Variants in LINGO2 observed in about 807,000 individuals in gnomAD.
LINGO2 encodes the protein leucine-rich repeat and immunoglobulin-like domain-containing nogo receptor-interacting protein 2.
LINGO2 carries 14 observed loss-of-function variants against 30.6 expected under a neutral mutation model. The ratio of observed to expected loss-of-function variants is 0.46; its 90% CI spans 0.30 to 0.72. LINGO2 has a LOEUF of 0.72. LINGO2 is among the 30% of genes least tolerant of loss of function. The pLI is 0.07. For missense variants in LINGO2, 729 were observed against 751.7 expected (o/e 0.97, Z 0.35); for synonymous variants, 317 against 288.5 (o/e 1.10, Z -1.00).
At chr9:28,530,508 T>C (rs1024990166) in intron 1 of LINGO2, among the ~76,000 whole-genome samples, 3 of 152,162 alleles carry the variant, frequency 2.0e-5, no homozygotes, top group Admixed American at 2.0e-4. Flanking sequence ...AACGGCCCCA[T>C]GCACAGGTTG....
chr9:28,870,705 T>C, the LINGO2 span, among the ~76,000 whole-genome samples: 2 of 148,432 alleles, frequency 1.3e-5, no homozygotes, highest in South Asian at 4.2e-4. Flanking sequence ...AGTAAAAGCA[T>C]AAAAAGAAGC....
At chr9:28,825,044 T>A in the LINGO2 span, among the ~76,000 whole-genome samples, 21 of 152,214 alleles carry the variant, frequency 1.4e-4, no homozygotes, top group Non-Finnish European at 2.8e-4. Context: ...CAAACCATTA[T>A]GAAGGCACAA....
At chr9:28,251,234 C>CT (rs888707540) in intron 4 of LINGO2, among the ~76,000 whole-genome samples, 2 of 151,914 alleles carry the variant, frequency 1.3e-5, no homozygotes, top group South Asian at 2.1e-4. Context: ...ACTCAGGAAC[C>CT]TTTTTTTCCC....
chr9:28,023,604 G>C (rs1823239221), intron 4 of LINGO2, among the ~76,000 whole-genome samples: 1 of 152,164 alleles, frequency 6.6e-6, no homozygotes, highest in Non-Finnish European at 1.5e-5. Flanking sequence ...CAGCCCAGTT[G>C]AAACAGGAAA....
At chr9:28,543,795 A>G (rs1256806519) in intron 1 of LINGO2, among the ~76,000 whole-genome samples, 2 of 152,104 alleles carry the variant, frequency 1.3e-5, no homozygotes, top group Non-Finnish European at 2.9e-5. Flanking sequence ...TTTCAAACAC[A>G]TTAGGTATTA....
chr9:27,970,652 G>A (rs932717881), intron 5 of LINGO2, among the ~76,000 whole-genome samples: 4 of 152,058 alleles, frequency 2.6e-5, no homozygotes, highest in African/African-American at 4.8e-5. Context: ...AAGTAATGTT[G>A]CCTTCAACTT....
At chr9:28,546,692 C>T (rs1821967016) in intron 1 of LINGO2, among the ~76,000 whole-genome samples, 1 of 151,906 alleles carries the variant, frequency 6.6e-6, no homozygotes, top group South Asian at 2.1e-4. Context: ...CTGTGGCCTG[C>T]CTTGAGGGAG....
At chr9:28,857,985 T>A in the LINGO2 span, among the ~76,000 whole-genome samples, 1 of 151,982 alleles carries the variant, frequency 6.6e-6, no homozygotes, top group Non-Finnish European at 1.5e-5. Context: ...CTGTTCTAGA[T>A]ATCTATCCCA....
intron 5 of LINGO2, among the ~76,000 whole-genome samples, chr9:27,984,797 A>T (rs2118955071): frequency 6.6e-6 from 1 of 152,010 alleles, no homozygotes. Context: ...TTCTAAAAAA[A>T]TCTTTATAAC....
At chr9:28,434,225 G>A (rs1415128228) in intron 2 of LINGO2, among the ~76,000 whole-genome samples, 1 of 150,646 alleles carries the variant, frequency 6.6e-6, no homozygotes, top group African/African-American at 2.4e-5. Context: ...GGTTGTGAGG[G>A]ATAAAAGACT....
chr9:28,576,370 A>G (rs1235641554), intron 1 of LINGO2, among the ~76,000 whole-genome samples: 1 of 152,210 alleles, frequency 6.6e-6, no homozygotes, highest in Non-Finnish European at 1.5e-5. Context: ...TAAACTAAAA[A>G]AATCACAAAT....
the LINGO2 span, among the ~76,000 whole-genome samples, chr9:28,835,243 AG>A: frequency 1.2e-4 from 18 of 152,314 alleles, no homozygotes; most frequent in Admixed American, 3.9e-4. Flanking sequence ...TCTGACCCAA[AG>A]CAAGAGGAAT....
chr9:28,911,952 T>C, the LINGO2 span, among the ~76,000 whole-genome samples: 23 of 152,276 alleles, frequency 1.5e-4, no homozygotes, highest in South Asian at 4.8e-3. Context: ...TATTCTTTTC[T>C]GAACATTTTT....
chr9:28,499,800 C>T (rs1183063299), intron 1 of LINGO2, among the ~76,000 whole-genome samples: 1 of 152,184 alleles, frequency 6.6e-6, no homozygotes, highest in African/African-American at 2.4e-5. Context: ...CAGAACTTCT[C>T]TCTCCTACAA....
the LINGO2 span, among the ~76,000 whole-genome samples, chr9:29,122,436 TAAACTC>T: frequency 1.3e-5 from 2 of 152,188 alleles, no homozygotes; most frequent in Admixed American, 1.3e-4. Flanking sequence ...ACTACACAAT[TAAACTC>T]AATGGTACTT....
intron 3 of LINGO2, among the ~76,000 whole-genome samples, chr9:28,323,421 G>T (rs1825116782): frequency 2.0e-5 from 3 of 152,122 alleles, no homozygotes; most frequent in Non-Finnish European, 4.4e-5. Context: ...CCAACATGGT[G>T]AAATGCCACC....
intron 1 of LINGO2, among the ~76,000 whole-genome samples, chr9:28,654,176 G>C (rs1828235164): frequency 6.6e-6 from 1 of 152,048 alleles, no homozygotes; most frequent in Admixed American, 6.6e-5. Flanking sequence ...CAAATAAGCA[G>C]ATAAATTATG....
intron 3 of LINGO2, among the ~76,000 whole-genome samples, chr9:28,309,342 A>G (rs1404745565): frequency 6.6e-6 from 1 of 151,924 alleles, no homozygotes; most frequent in African/African-American, 2.4e-5. Context: ...ACAAAAAACC[A>G]AACACCGCAT....
At chr9:28,459,678 T>C (rs965142067) in intron 2 of LINGO2, among the ~76,000 whole-genome samples, 1 of 151,912 alleles carries the variant, frequency 6.6e-6, no homozygotes, top group South Asian at 2.1e-4. Context: ...CACAATATTC[T>C]CGGTCCATAG....
Sources: allele counts gnomAD v4.1 joint callset (sites outside exome capture counted in the v4.1 genomes callset), GRCh38; gene constraint gnomAD v4.1.1; transcripts MANE v1.5; gene names NCBI Gene and HGNC (gene_info 2026-07-23, HGNC 2026-07-21).